Variants in PPFIBP1 observed in about 807,000 individuals in gnomAD.
PPFIBP1 encodes liprin-beta-1.
Under a neutral mutation model 137.8 loss-of-function variants are expected in PPFIBP1, and 112 were observed. The observed-to-expected ratio is 0.81, with a 90% confidence interval of 0.70 to 0.95. The LOEUF is 0.95. Among genes scored for constraint, PPFIBP1 ranks in the 40% least tolerant of loss-of-function variants. The pLI, the probability that PPFIBP1 is intolerant of heterozygous loss-of-function variation, is 0.00. For synonymous variants in PPFIBP1, 378 were observed against 417.3 expected (o/e 0.91, Z 1.15); for missense variants, 1,083 against 1,196.6 (o/e 0.91, Z 1.40).
At chr12:27,623,179 G>A (rs2056496136) in intron 2 of PPFIBP1, among the ~76,000 whole-genome samples, 1 of 152,172 alleles carries the variant, frequency 6.6e-6, no homozygotes. Flanking sequence ...AGGGAAGAAT[G>A]AGGTTAGAGT....
intron 4 of PPFIBP1, among the ~76,000 whole-genome samples, chr12:27,644,060 C>T (rs1391136558): frequency 6.6e-6 from 1 of 151,612 alleles, no homozygotes; most frequent in Admixed American, 6.6e-5. Flanking sequence ...TTTCCTCCAA[C>T]CAGAAGAAAG....
chr12:27,646,927 GC>G (rs747973308), intron 5 of PPFIBP1, among the ~76,000 whole-genome samples: 26 of 152,226 alleles, frequency 1.7e-4, no homozygotes, highest in African/African-American at 4.6e-4. Flanking sequence ...ATATTGAGTT[GC>G]CCCCCCTGAC....
intron 24 of PPFIBP1, among the ~76,000 whole-genome samples, chr12:27,687,089 T>C (rs1166358746): frequency 6.6e-6 from 1 of 152,190 alleles, no homozygotes; most frequent in Non-Finnish European, 1.5e-5. Flanking sequence ...TCACCTTTTG[T>C]AGTGACCCAG....
chr12:27,674,201 A>T lies in PPFIBP1; in HGVS notation c.1390A>T (p.Thr464Ser). The change falls in exon 17 of 30, where the codon ACT becomes TCT. Residue 464 changes from threonine to serine, a missense_variant. Transcript: ENST00000228425. ...TTATTGCTTTGAACAGGAAAAGGAA[A>T]CTATTCAGAAGACTTCAGAGGTAAC... Reference protein sequence around the residue: ...KKETSDGEKETIQKTSEDRAP... With the variant: ...KKETSDGEKESIQKTSEDRAP... The T allele has an allele frequency of 6.3e-7, 1 of 1,595,738 alleles. No individual in the cohort carries two copies. Among genetic ancestry groups the T allele is most frequent in the Non-Finnish European group, 8.5e-7 (1 of 1,170,732 alleles).
intron 1 of PPFIBP1, among the ~76,000 whole-genome samples, chr12:27,570,199 T>G (rs1370456876): frequency 6.6e-6 from 1 of 152,180 alleles, no homozygotes; most frequent in African/African-American, 2.4e-5. Flanking sequence ...GGATTTCAAT[T>G]TTTTTCTTAA....
chr12:27,671,680 A>C (rs571472581), intron 14 of PPFIBP1, 134 bp downstream of exon 14: 97 of 565,718 alleles, frequency 1.7e-4, no homozygotes, highest in Admixed American at 1.5e-3. Context: ...CCACTGGGGG[A>C]TCTGTAATCA....
At chr12:27,666,089 C>T (rs763097714) in intron 12 of PPFIBP1, among the ~76,000 whole-genome samples, 20 of 142,748 alleles carry the variant, frequency 1.4e-4, no homozygotes, top group Admixed American at 4.4e-4. Context: ...TAGACTATAT[C>T]GTAAAACATT....
intron 4 of PPFIBP1, among the ~76,000 whole-genome samples, chr12:27,639,036 T>C (rs891338081): frequency 2.6e-5 from 4 of 152,234 alleles, no homozygotes; most frequent in Admixed American, 2.0e-4. Context: ...ATTTCTTTGC[T>C]GCTAATTGCT....
chr12:27,602,419 G>A (rs1211136023), intron 2 of PPFIBP1, among the ~76,000 whole-genome samples: 1 of 152,216 alleles, frequency 6.6e-6, no homozygotes, highest in Non-Finnish European at 1.5e-5. Flanking sequence ...ACCTCACTGT[G>A]TGTGTGTGTG....
intron 17 of PPFIBP1, among the ~76,000 whole-genome samples, chr12:27,674,451 A>G (rs2060379983): frequency 6.6e-6 from 1 of 152,198 alleles, no homozygotes; most frequent in Non-Finnish European, 1.5e-5. Flanking sequence ...AAGAGGTGGG[A>G]AAAATGGGGA....
At chr12:27,549,064 A>G (rs1431878354) in intron 1 of PPFIBP1, 2 of 152,234 alleles carry the variant, frequency 1.3e-5, no homozygotes, top group Non-Finnish European at 2.9e-5. Context: ...TGTGAAGGGG[A>G]TAATCTGCCA....
Position 27,688,341 on chromosome 12 carries a change from G to A in PPFIBP1, c.2414G>A (p.Arg805Gln). 3.7e-6 allele frequency: 6 copies of A among 1,613,956 alleles called. No individual in the cohort carries two copies. The highest frequency in any genetic ancestry group is 1.1e-5 in the South Asian group (1 of 91,076). The change falls in exon 26 of 30, where the codon CGA becomes CAA. Residue 805 changes from arginine to glutamine, a missense_variant. Physicochemically the swap from Arg to Gln is conservative, Grantham distance 43 (BLOSUM62 1). Coordinates refer to ENST00000228425, the MANE Select transcript of PPFIBP1 (RefSeq NM_003622.4). ...GAAGTTCAGAAGTGGACTAACCATCGAGTGATGGAGTGGCTGCGCTCCGTG... is the reference window on the plus strand; with the variant it reads ...GAAGTTCAGAAGTGGACTAACCATCAAGTGATGGAGTGGCTGCGCTCCGTG... ...PSEVQKWTNH[R>Q]VMEWLRSVDL...
intron 7 of PPFIBP1, among the ~76,000 whole-genome samples, chr12:27,652,492 T>G (rs1219588694): frequency 6.6e-6 from 1 of 152,226 alleles, no homozygotes. Context: ...TTGAAATAGT[T>G]TGTATTCTGT....
At chr12:27,578,932 C>T (rs1425488926) in intron 2 of PPFIBP1, among the ~76,000 whole-genome samples, 2 of 152,202 alleles carry the variant, frequency 1.3e-5, no homozygotes, top group South Asian at 2.1e-4. Flanking sequence ...CTGACAGTCA[C>T]CTAGTCAGTG....
rs549896517 is a variant in PPFIBP1 at position 27,631,149 on chromosome 12, ACTC to A, written c.-35-2209_-35-2207del. Among the ~76,000 whole-genome samples the A allele has an allele frequency of 9.9e-5, 15 of 151,818 alleles. No individual in the cohort carries two copies. In the South Asian group the frequency reaches 3.1e-3, roughly 32 times the overall value. On this transcript the variant is annotated intron_variant, in intron 2 of 29. Transcript: ENST00000228425. ...ATAAAACATTATCACATTCCTTTAT[ACTC>A]CTCATTTATTACTGATACTAAGCAG...
At chr12:27,688,456 C>A in intron 26 of PPFIBP1, 33 bp downstream of exon 26, 2 of 1,608,564 alleles carry the variant, frequency 1.2e-6, no homozygotes, top group Non-Finnish European at 1.7e-6. Context: ...AATTGACTTA[C>A]TTTGCTTCCT....
rs1334599955 is a variant in PPFIBP1 at position 27,653,333 on chromosome 12, CCCAA to C, written c.604-1387_604-1384del. 1.3e-4 allele frequency among the ~76,000 whole-genome samples: 20 copies of C among 152,130 alleles called. No homozygotes were observed. The South Asian group carries it at 2.1e-3, about 16-fold the overall frequency. On this transcript the variant is annotated intron_variant, in intron 7 of 29. Coordinates refer to ENST00000228425, the MANE Select transcript of PPFIBP1 (RefSeq NM_003622.4). ...GGGCACAGTGGCTCACATCTGTAAT[CCCAA>C]CACTTAGGGAGTCCGAGGAGGGCGG...
At chr12:27,650,364 G>A (rs2058804554) in intron 7 of PPFIBP1, among the ~76,000 whole-genome samples, 1 of 152,142 alleles carries the variant, frequency 6.6e-6, no homozygotes, top group Admixed American at 6.5e-5. Flanking sequence ...TTAGACTTTT[G>A]ATATGAAGTA....
chr12:27,658,059 C>T (rs2059322855), intron 9 of PPFIBP1, among the ~76,000 whole-genome samples: 1 of 150,850 alleles, frequency 6.6e-6, no homozygotes, highest in Admixed American at 6.6e-5. Context: ...TCACTTAAGG[C>T]CCAGGAGTTC....
Sources: allele counts gnomAD v4.1 joint callset (sites outside exome capture counted in the v4.1 genomes callset), GRCh38; gene constraint gnomAD v4.1.1; transcripts MANE v1.5; gene names NCBI Gene and HGNC (gene_info 2026-07-23, HGNC 2026-07-21).